MDGA2: variants seen among roughly 807,000 people sequenced by gnomAD.
MDGA2 encodes the protein MAM domain-containing glycosylphosphatidylinositol anchor protein 2.
MDGA2 carries 40 observed loss-of-function variants against 117.8 expected under a neutral mutation model. That is an observed-to-expected ratio of 0.34 (90% CI 0.26 to 0.44). The LOEUF is 0.44. MDGA2 is among the 20% of genes least tolerant of loss of function. The pLI is 1.00. For missense variants in MDGA2, 1,123 were observed against 1,250.6 expected (o/e 0.90, Z 1.54); for synonymous variants, 452 against 439.0 (o/e 1.03, Z -0.37).
At chr14:47,444,243 TTTG>T (rs1203758145) in intron 1 of MDGA2, 41 of 176,850 alleles carry the variant, frequency 2.3e-4, no homozygotes, top group Non-Finnish European at 4.1e-4. Context: ...TTTCTAGGTC[TTTG>T]AGTTGTACAT....
chr14:47,279,145 C>A (rs1265013627), intron 2 of MDGA2, among the ~76,000 whole-genome samples: 1 of 151,988 alleles, frequency 6.6e-6, no homozygotes, highest in Non-Finnish European at 1.5e-5. Context: ...AAATTGTGGT[C>A]AAAATCTAGG....
chr14:47,073,727 A>G (rs769480612), intron 6 of MDGA2, among the ~76,000 whole-genome samples: 10 of 152,216 alleles, frequency 6.6e-5, no homozygotes, highest in Non-Finnish European at 1.5e-4. Flanking sequence ...AGGAAGGCAG[A>G]CAGTTAAAGA....
At chr14:47,477,380 A>C (rs1893866115) in intron 1 of MDGA2, among the ~76,000 whole-genome samples, 2 of 152,144 alleles carry the variant, frequency 1.3e-5, no homozygotes, top group African/African-American at 4.8e-5. Flanking sequence ...AAGTAGTGTC[A>C]AGTAGAAAGT....
At chr14:47,021,775 T>A (rs936571591) in intron 8 of MDGA2, among the ~76,000 whole-genome samples, 2 of 152,136 alleles carry the variant, frequency 1.3e-5, no homozygotes, top group Admixed American at 1.3e-4. Context: ...TTTATTTGCA[T>A]AGAAAATTTG....
At chr14:47,173,173 T>C (rs1204274701) in intron 3 of MDGA2, among the ~76,000 whole-genome samples, 7 of 152,166 alleles carry the variant, frequency 4.6e-5, no homozygotes, top group South Asian at 2.1e-4. Context: ...CTACGTCTGA[T>C]TGGTGTACGT....
intron 1 of MDGA2, among the ~76,000 whole-genome samples, chr14:47,635,001 T>C (rs551891509): frequency 1.1e-4 from 17 of 152,214 alleles, no homozygotes; most frequent in African/African-American, 3.1e-4. Context: ...CTTCAAATTG[T>C]TCATCTGATT....
chr14:47,482,424 T>C (rs1416954046), intron 1 of MDGA2, among the ~76,000 whole-genome samples: 2 of 152,106 alleles, frequency 1.3e-5, no homozygotes, highest in Admixed American at 6.6e-5. Context: ...CGGAAATTAG[T>C]TCCAGGTCTA....
chr14:47,066,702 C>T (rs1239897473), intron 6 of MDGA2, among the ~76,000 whole-genome samples: 2 of 144,700 alleles, frequency 1.4e-5, no homozygotes, highest in Non-Finnish European at 3.0e-5. Context: ...AATTACTCAA[C>T]TGATAATCAG....
chr14:47,034,991 A>T lies in MDGA2; in HGVS notation c.1819+20T>A, dbSNP rs1239441041. On this transcript the variant is annotated intron_variant, in intron 8 of 16. Transcript: ENST00000399232. ...TTCCCTTGTCCCCATATGGAAATGCATAAAAGGGAATTTACTTACACTGAA... is the reference window on the plus strand; with the variant it reads ...TTCCCTTGTCCCCATATGGAAATGCTTAAAAGGGAATTTACTTACACTGAA... 3 of 1,594,150 alleles carry T rather than the reference A, an allele frequency of 1.9e-6. No homozygotes were observed. In the African/African-American group the frequency reaches 4.0e-5, roughly 21 times the overall value.
chr14:47,646,144 T>C (rs1897529776), intron 1 of MDGA2, among the ~76,000 whole-genome samples: 1 of 151,774 alleles, frequency 6.6e-6, no homozygotes, highest in Non-Finnish European at 1.5e-5. Flanking sequence ...AAACTTTCAT[T>C]TTTGAAATAT....
chr14:46,970,219 C>T (rs1273051067), intron 8 of MDGA2, among the ~76,000 whole-genome samples: 1 of 151,472 alleles, frequency 6.6e-6, no homozygotes, highest in Non-Finnish European at 1.5e-5. Flanking sequence ...TTGTATGAAA[C>T]CAAAAAAGAG....
At chr14:46,968,615 C>G (rs1362655986) in intron 8 of MDGA2, among the ~76,000 whole-genome samples, 1 of 151,802 alleles carries the variant, frequency 6.6e-6, no homozygotes, top group African/African-American at 2.4e-5. Context: ...GGGTGGATCA[C>G]AAAGTCAGGA....
At chr14:47,302,006 T>C (rs1463999362) in intron 1 of MDGA2, among the ~76,000 whole-genome samples, 2 of 152,176 alleles carry the variant, frequency 1.3e-5, no homozygotes, top group Non-Finnish European at 2.9e-5. Flanking sequence ...CGCAAGTTAA[T>C]AAGCTCACGA....
chr14:47,173,494 T>C (rs1884280171), intron 3 of MDGA2, among the ~76,000 whole-genome samples: 1 of 152,138 alleles, frequency 6.6e-6, no homozygotes, highest in African/African-American at 2.4e-5. Flanking sequence ...AGGCCAATAT[T>C]CAACATTCTT....
chr14:47,522,744 C>T (rs954034828), intron 1 of MDGA2, among the ~76,000 whole-genome samples: 4 of 152,128 alleles, frequency 2.6e-5, no homozygotes, highest in Admixed American at 6.5e-5. Context: ...TATAGTATTT[C>T]GAAAACCCAT....
chr14:46,943,062 A>T (rs1310384324), intron 9 of MDGA2, among the ~76,000 whole-genome samples: 1 of 152,070 alleles, frequency 6.6e-6, no homozygotes, highest in Non-Finnish European at 1.5e-5. Context: ...AGGAATTTTA[A>T]GGCTCTATTA....
Position 47,506,203 on chromosome 14 carries a change from C to T in MDGA2, c.280+168314G>A, listed in dbSNP as rs377305402. 6.2e-4 allele frequency among the ~76,000 whole-genome samples: 95 copies of T among 152,012 alleles called. No homozygotes were observed. In the South Asian group the frequency reaches 0.019, roughly 31 times the overall value. ...GAGTTTGGATGTCAGAGAAGACATC[C>T]AAATGGGCTAACCAGTTTGAGCAAA... On this transcript the variant is annotated intron_variant, in intron 1 of 16. Coordinates refer to ENST00000399232, the MANE Select transcript of MDGA2 (RefSeq NM_001113498.3).
chr14:47,174,808 C>A (rs1884359449), intron 3 of MDGA2, among the ~76,000 whole-genome samples: 1 of 152,028 alleles, frequency 6.6e-6, no homozygotes, highest in South Asian at 2.1e-4. Context: ...CAGAGGAGAA[C>A]TGAAGGAAAT....
intron 14 of MDGA2, chr14:46,871,108 A>T (rs1881976869): frequency 6.6e-6 from 1 of 151,566 alleles, no homozygotes. Flanking sequence ...ATTAGTAATA[A>T]TATAGTAATC....
Sources: allele counts gnomAD v4.1 joint callset (sites outside exome capture counted in the v4.1 genomes callset), GRCh38; gene constraint gnomAD v4.1.1; transcripts MANE v1.5; gene names NCBI Gene and HGNC (gene_info 2026-07-23, HGNC 2026-07-21).